Variants in MKRN2 observed in about 807,000 individuals in gnomAD.
MKRN2 encodes the protein makorin ring finger protein 2, also known as E3 ubiquitin-protein ligase makorin-2.
A neutral mutation model predicts 45.4 loss-of-function variants in MKRN2; 32 were observed. That is an observed-to-expected ratio of 0.70 (90% CI 0.53 to 0.95). The LOEUF (loss-of-function observed/expected upper bound fraction) is 0.95. MKRN2 is among the 40% of genes least tolerant of loss of function. MKRN2 has a pLI of 0.00. For missense variants in MKRN2, 526 were observed against 536.7 expected (o/e 0.98, Z 0.20); for synonymous variants, 206 against 192.4 (o/e 1.07, Z -0.59).
At chr3:12,560,120 A>T (rs1360435486) in intron 1 of MKRN2, among the ~76,000 whole-genome samples, 2 of 152,198 alleles carry the variant, frequency 1.3e-5, no homozygotes, top group Non-Finnish European at 2.9e-5. Flanking sequence ...AAATTAAATA[A>T]TAGCAACAAA....
intron 1 of MKRN2, among the ~76,000 whole-genome samples, chr3:12,562,601 G>A (rs1397690427): frequency 6.6e-6 from 1 of 152,104 alleles, no homozygotes; most frequent in Non-Finnish European, 1.5e-5. Context: ...TAGGAACCAG[G>A]CCACACAGCA....
intron 7 of MKRN2, 57 bp from the exon 8 acceptor site, chr3:12,582,059 G>T: frequency 6.2e-7 from 1 of 1,610,678 alleles, no homozygotes; most frequent in Non-Finnish European, 8.5e-7. Flanking sequence ...ATCAAGGAAC[G>T]CAGCCTTCCT....
intron 1 of MKRN2, among the ~76,000 whole-genome samples, chr3:12,558,377 A>G (rs972851251): frequency 1.3e-5 from 2 of 152,170 alleles, no homozygotes; most frequent in African/African-American, 4.8e-5. Context: ...TTATTTGTAT[A>G]AAGTTTCTCC....
chr3:12,572,181 C>T lies in MKRN2; in HGVS notation c.450C>T (p.Ala150=). 1 of 1,614,084 alleles carries T rather than the reference C, an allele frequency of 6.2e-7. No individual in the cohort carries two copies. Among genetic ancestry groups the T allele is most frequent in the Non-Finnish European group, 8.5e-7 (1 of 1,180,008 alleles). ...PEMKPHSYLD[A]IRSGLDDVEA... is the part of the protein sequence containing the mutation. ...TGAAGCCGCATTCCTACCTGGATGC[C>T]ATCAGGAGTGGCCTTGATGACGTGG... is the stretch of plus-strand genomic sequence containing the variant. The change falls in exon 4 of 8, where the codon GCC becomes GCT. Residue 150 remains alanine, a synonymous_variant. Coordinates refer to ENST00000170447, the MANE Select transcript of MKRN2 (RefSeq NM_014160.5).
In MKRN2 at chr3:12,572,374, G is replaced by A. The variant is rs772261152; in HGVS notation, c.642+1G>A. The A allele has an allele frequency of 6.4e-7, 1 of 1,552,400 alleles. No individual in the cohort carries two copies. The highest frequency in any genetic ancestry group is 8.7e-7 in the Non-Finnish European group (1 of 1,146,214). On this transcript the variant is annotated splice_donor_variant, in intron 4 of 7. Transcript: ENST00000170447. LOFTEE classifies it high-confidence loss of function. Reference sequence around the variant, plus strand: ...AGAGCAGAGGAAGGCTCATGAAAAGGTAAAGTCACAAACCTTTGCATGAAC... The same window carrying A: ...AGAGCAGAGGAAGGCTCATGAAAAGATAAAGTCACAAACCTTTGCATGAAC...
chr3:12,580,242 C>G (rs929590952), intron 6 of MKRN2, among the ~76,000 whole-genome samples: 39 of 152,164 alleles, frequency 2.6e-4, no homozygotes, highest in Non-Finnish European at 1.2e-4. Flanking sequence ...TTGACCTGAT[C>G]GAGTTCATAG....
chr3:12,578,900 A>G (rs866852469), intron 6 of MKRN2, among the ~76,000 whole-genome samples: 74 of 145,844 alleles, frequency 5.1e-4, no homozygotes, highest in East Asian at 7.9e-4. Context: ...TCCTCATACA[A>G]TCTTCCTGTG....
chr3:12,569,256 G>GGTTCAAGCA (rs3036508), intron 2 of MKRN2, among the ~76,000 whole-genome samples: 88,430 of 150,702 alleles, frequency 0.59, 28,657 homozygotes, highest in African/African-American at 0.86. Flanking sequence ...CCGCCTCCAG[G>GGTTCAAGCA]GTTCTCCTGC....
chr3:12,569,289 AT>A (rs2058085555), intron 2 of MKRN2, among the ~76,000 whole-genome samples: 1 of 149,674 alleles, frequency 6.7e-6, no homozygotes, highest in African/African-American at 2.5e-5. Flanking sequence ...AGTAGCTGAG[AT>A]TACAGGCATC....
At chr3:12,572,807 A>T (rs1351462396) in intron 4 of MKRN2, among the ~76,000 whole-genome samples, 1 of 151,568 alleles carries the variant, frequency 6.6e-6, no homozygotes, top group East Asian at 1.9e-4. Flanking sequence ...CTGGTCTCGA[A>T]CTCCTGACCT....
intron 1 of MKRN2, among the ~76,000 whole-genome samples, chr3:12,559,601 A>G (rs2058019150): frequency 6.6e-6 from 1 of 152,170 alleles, no homozygotes; most frequent in South Asian, 2.1e-4. Flanking sequence ...AAATGCTAGG[A>G]GTCTCAAACC....
intron 6 of MKRN2, among the ~76,000 whole-genome samples, chr3:12,579,141 T>C (rs2125308210): frequency 6.6e-6 from 1 of 152,304 alleles, no homozygotes; most frequent in South Asian, 2.1e-4. Flanking sequence ...ACCTTCTAGC[T>C]AAGCACCACT....
At chr3:12,581,205 G>A (rs1371071639) in intron 6 of MKRN2, among the ~76,000 whole-genome samples, 2 of 152,170 alleles carry the variant, frequency 1.3e-5, no homozygotes, top group Non-Finnish European at 2.9e-5. Flanking sequence ...CATGTTTTAT[G>A]CATTGAAAAA....
At chr3:12,564,071 A>G (rs953613850) in intron 1 of MKRN2, among the ~76,000 whole-genome samples, 6 of 150,840 alleles carry the variant, frequency 4.0e-5, no homozygotes, top group Admixed American at 3.3e-4. Context: ...TCGGCCCCCA[A>G]AGTAGCTGGG....
intron 2 of MKRN2, among the ~76,000 whole-genome samples, chr3:12,569,815 G>A (rs1273245578): frequency 1.3e-5 from 2 of 152,180 alleles, no homozygotes. Flanking sequence ...GTGTGGTCTG[G>A]TGCTGTGTGT....
rs117867179 is a variant in MKRN2 at position 12,574,361 on chromosome 3, C to T, written c.643-431C>T. ...TCTTGGGGAGAAGTGGTGCTTCTTA[C>T]ATAGGACTAGGCTGCCAGCCTCAAG... On this transcript the variant is annotated intron_variant, in intron 4 of 7. Coordinates refer to ENST00000170447, the MANE Select transcript of MKRN2 (RefSeq NM_014160.5). Among the ~76,000 whole-genome samples the T allele has an allele frequency of 2.6e-3, 392 of 152,310 alleles. 5 individuals carry two copies. Among genetic ancestry groups the T allele is most frequent in the East Asian group, 0.019 (99 of 5,190 alleles).
intron 6 of MKRN2, among the ~76,000 whole-genome samples, chr3:12,578,469 C>G (rs1463462232): frequency 2.6e-5 from 4 of 151,964 alleles, no homozygotes; most frequent in Non-Finnish European, 5.9e-5. Flanking sequence ...AGGCGCATGC[C>G]GCCACGCCTG....
chr3:12,582,257 G>GT lies in MKRN2; in HGVS notation c.*5dup. 1 of 1,613,738 alleles carries GT rather than the reference G, an allele frequency of 6.2e-7. No homozygotes were observed. ...AGTGGAATCATCAGAACCCTAAAGAGTAGATGGTTGCCCTGCATCTTGGGC... is the reference window on the plus strand; with the variant it reads ...AGTGGAATCATCAGAACCCTAAAGAGTTAGATGGTTGCCCTGCATCTTGGGC... On this transcript the variant is annotated 3_prime_UTR_variant, in exon 8 of 8. Transcript: ENST00000170447.
At chr3:12,578,151 G>T (rs563779029) in intron 6 of MKRN2, among the ~76,000 whole-genome samples, 1 of 152,178 alleles carries the variant, frequency 6.6e-6, no homozygotes, top group African/African-American at 2.4e-5. Flanking sequence ...TTTTTCACAG[G>T]CCCCTTACTT....
Sources: allele counts gnomAD v4.1 joint callset (sites outside exome capture counted in the v4.1 genomes callset), GRCh38; gene constraint gnomAD v4.1.1; transcripts MANE v1.5; gene names NCBI Gene and HGNC (gene_info 2026-07-23, HGNC 2026-07-21).